EXTL3: variants seen among roughly 807,000 people sequenced by gnomAD.
EXTL3 encodes exostosin-like 3.
EXTL3 carries 27 observed loss-of-function variants against 69.3 expected under a neutral mutation model. The observed-to-expected ratio is 0.39, with a 90% CI of 0.29 to 0.54. The LOEUF (loss-of-function observed/expected upper bound fraction) is 0.54. Among genes scored for constraint, EXTL3 ranks in the 20% least tolerant of loss-of-function variants. The pLI, the probability that EXTL3 is intolerant of heterozygous loss-of-function variation, is 0.69. For synonymous variants in EXTL3, 511 were observed against 499.4 expected (o/e 1.02, Z -0.31); for missense variants, 1,003 against 1,231.8 (o/e 0.81, Z 2.78).
At position 28,751,101 on chromosome 8, in the gene EXTL3, G is replaced by A; in HGVS notation, c.*235G>A. The A allele has an allele frequency of 1.8e-6, 1 of 562,680 alleles. No homozygotes were observed. Among genetic ancestry groups the A allele is most frequent in the East Asian group, 3.0e-5 (1 of 33,236 alleles). The allele number at this position is 562,680 out of a possible 1,614,324, so 34.9% of individuals were successfully genotyped here. On this transcript the variant is annotated 3_prime_UTR_variant, in exon 7 of 7. Coordinates refer to ENST00000220562, the MANE Select transcript of EXTL3 (RefSeq NM_001440.4). ...TCCCCACACAGGGCACTGACTGATAGCTTACACTGAGGACTGTGGCGACTC... is the reference window on the plus strand; with the variant it reads ...TCCCCACACAGGGCACTGACTGATAACTTACACTGAGGACTGTGGCGACTC...
intron 1 of EXTL3, among the ~76,000 whole-genome samples, chr8:28,672,349 C>T (rs1043861045): frequency 4.7e-5 from 6 of 126,712 alleles, no homozygotes; most frequent in East Asian, 2.6e-4. Context: ...AACCAGGAGG[C>T]GGAGCTTGCA....
At chr8:28,694,266 G>A (rs1800655034) in intron 1 of EXTL3, among the ~76,000 whole-genome samples, 2 of 152,208 alleles carry the variant, frequency 1.3e-5, no homozygotes. Flanking sequence ...AGAGAACACA[G>A]ACTTGTTTGG....
At chr8:28,660,468 TTA>T (rs750484338) in intron 1 of EXTL3, among the ~76,000 whole-genome samples, 15 of 152,206 alleles carry the variant, frequency 9.9e-5, no homozygotes, top group Non-Finnish European at 1.8e-4. Context: ...ACACTCCCAA[TTA>T]TATATATGTG....
chr8:28,688,977 C>G (rs1800569117), intron 1 of EXTL3, among the ~76,000 whole-genome samples: 1 of 152,210 alleles, frequency 6.6e-6, no homozygotes. Context: ...CTTAAGTCCC[C>G]ATTCTGCATC....
intron 1 of EXTL3, among the ~76,000 whole-genome samples, chr8:28,677,404 T>A (rs1280753005): frequency 6.6e-6 from 1 of 152,170 alleles, no homozygotes; most frequent in African/African-American, 2.4e-5. Context: ...CCCAGGGCTG[T>A]AACTTCCGAG....
At chr8:28,638,340 C>A (rs573392646) in intron 1 of EXTL3, among the ~76,000 whole-genome samples, 1 of 152,202 alleles carries the variant, frequency 6.6e-6, no homozygotes, top group Non-Finnish European at 1.5e-5. Flanking sequence ...CCACTACCAA[C>A]GAACCCTATG....
chr8:28,715,813 T>C lies in EXTL3; in HGVS notation c.-247T>C. 2.0e-6 allele frequency: 1 copy of C among 501,252 alleles called. No individual in the cohort carries two copies. Among genetic ancestry groups the C allele is most frequent in the Non-Finnish European group, 3.5e-6 (1 of 283,620 alleles). 31.1% of individuals were successfully genotyped at this position (501,252 alleles called of 1,614,324 possible). ...GCAAGAATGTGGCACCTTTTATCGT[T>C]TGATAAAGATTAAGGACATGTTCTT... On this transcript the variant is annotated 5_prime_UTR_variant, in exon 3 of 7. Transcript: ENST00000220562.
intron 3 of EXTL3, among the ~76,000 whole-genome samples, chr8:28,723,501 C>G (rs1801341772): frequency 6.6e-6 from 1 of 152,148 alleles, no homozygotes; most frequent in Non-Finnish European, 1.5e-5. Flanking sequence ...CAAATTGATT[C>G]TTGAGGTAAT....
intron 1 of EXTL3, among the ~76,000 whole-genome samples, chr8:28,653,117 G>A (rs1157370071): frequency 2.0e-5 from 3 of 152,196 alleles, no homozygotes; most frequent in African/African-American, 7.2e-5. Context: ...CCACATGATA[G>A]TAGCATATAG....
chr8:28,649,350 G>T (rs1163940953), intron 1 of EXTL3, among the ~76,000 whole-genome samples: 1 of 152,182 alleles, frequency 6.6e-6, no homozygotes, highest in African/African-American at 2.4e-5. Flanking sequence ...TTGATGGTGT[G>T]TATGACAGCT....
intron 1 of EXTL3, among the ~76,000 whole-genome samples, chr8:28,682,888 T>C (rs2130662829): frequency 6.6e-6 from 1 of 152,354 alleles, no homozygotes; most frequent in African/African-American, 2.4e-5. Context: ...GTTTTACAGC[T>C]TCAGGTTTTG....
intron 1 of EXTL3, among the ~76,000 whole-genome samples, chr8:28,642,291 A>G (rs1806756766): frequency 6.6e-6 from 1 of 151,924 alleles, no homozygotes; most frequent in Middle Eastern, 3.4e-3. Flanking sequence ...TAAAAAAAAT[A>G]CAAAATTAGC....
intron 3 of EXTL3, 49 bp from the exon 4 acceptor site, chr8:28,731,174 C>A: frequency 6.2e-7 from 1 of 1,613,484 alleles, no homozygotes; most frequent in Non-Finnish European, 8.5e-7. Flanking sequence ...TTTGTTTGGC[C>A]TTTCATAACA....
At chr8:28,718,282 C>A in intron 3 of EXTL3, 75 bp downstream of exon 3, 1 of 1,440,872 alleles carries the variant, frequency 6.9e-7, no homozygotes. Context: ...CAACTTCCTT[C>A]ACTTTAGCAA....
intron 3 of EXTL3, among the ~76,000 whole-genome samples, chr8:28,729,839 C>T (rs1479951759): frequency 2.7e-5 from 4 of 147,410 alleles, no homozygotes; most frequent in African/African-American, 7.5e-5. Flanking sequence ...TTCGAGAACT[C>T]GCTTTTTTTT....
At position 28,630,295 on chromosome 8, in the gene EXTL3, C is replaced by A. The variant is rs142942680; in HGVS notation, c.-53+7485C>A. On this transcript the variant is annotated intron_variant, in intron 1 of 6. Transcript: ENST00000523149. Reference sequence around the variant, plus strand: ...AGATGTGCCTTTGCTCCTCTGCCTTCTGCTGTGATTGTGAGACCTCCCCAG... The same window carrying A: ...AGATGTGCCTTTGCTCCTCTGCCTTATGCTGTGATTGTGAGACCTCCCCAG... Among the ~76,000 whole-genome samples the A allele has an allele frequency of 8.5e-5, 13 of 152,300 alleles. No homozygotes were observed. The East Asian group carries it at 2.5e-3, about 29-fold the overall frequency.
chr8:28,678,899 G>A (rs1004437264), intron 1 of EXTL3, among the ~76,000 whole-genome samples: 2 of 152,174 alleles, frequency 1.3e-5, no homozygotes, highest in African/African-American at 4.8e-5. Context: ...TGCACTGTGT[G>A]TAGTGGAAGT....
intron 1 of EXTL3, among the ~76,000 whole-genome samples, chr8:28,655,349 A>C (rs983655569): frequency 2.0e-4 from 30 of 152,134 alleles, no homozygotes; most frequent in African/African-American, 7.2e-4. Flanking sequence ...AAGAAAGTCA[A>C]CTCAGATTGA....
chr8:28,616,313 A>G (rs1806329924), intron 2 of EXTL3, among the ~76,000 whole-genome samples: 1 of 151,982 alleles, frequency 6.6e-6, no homozygotes, highest in Admixed American at 6.6e-5. Flanking sequence ...ACAAACAAAA[A>G]GAGAGGCAGT....
Sources: gnomAD v4.1 joint callset for allele counts (sites outside exome capture counted in the v4.1 genomes callset) on GRCh38, gnomAD v4.1.1 for gene constraint, MANE v1.5 for transcripts, NCBI Gene and HGNC (gene_info 2026-07-23, HGNC 2026-07-21) for gene names.